Variants in ANO2 observed in about 807,000 individuals in gnomAD.
The protein encoded by ANO2 is anoctamin-2.
ANO2 carries 101 observed loss-of-function variants against 124.2 expected under a neutral mutation model. The ratio of observed to expected loss-of-function variants is 0.81; its 90% CI spans 0.69 to 0.96. ANO2 has a LOEUF of 0.96. ANO2 is among the 40% of genes least tolerant of loss of function. The pLI, the probability that ANO2 is intolerant of heterozygous loss-of-function variation, is 0.00. For missense variants in ANO2, 1,293 were observed against 1,274.5 expected, an observed-to-expected ratio of 1.01 and a Z score of -0.22; for synonymous variants, 486 against 482.5, an observed-to-expected ratio of 1.01 and a Z score of -0.09.
At chr12:5,884,930 T>C (rs1938780581) in intron 3 of ANO2, among the ~76,000 whole-genome samples, 1 of 152,128 alleles carries the variant, frequency 6.6e-6, no homozygotes, top group Non-Finnish European at 1.5e-5. Flanking sequence ...CAGAACCATG[T>C]ACAGAAATCT....
At chr12:5,833,416 C>T (rs754146589) in intron 4 of ANO2, among the ~76,000 whole-genome samples, 3 of 152,172 alleles carry the variant, frequency 2.0e-5, no homozygotes, top group Non-Finnish European at 4.4e-5. Context: ...AGATTTTTCA[C>T]ACATATTCTT....
At chr12:5,928,421 CCTTCCTCACTA>C (rs1246701047) in intron 1 of ANO2, among the ~76,000 whole-genome samples, 41 of 91,216 alleles carry the variant, frequency 4.5e-4, no homozygotes, top group Non-Finnish European at 8.9e-4. Context: ...AGTCTACTTT[CCTTCCTCACTA>C]GTCTACTTTC....
At chr12:5,670,455 G>C (rs1947941187) in intron 14 of ANO2, among the ~76,000 whole-genome samples, 1 of 152,070 alleles carries the variant, frequency 6.6e-6, no homozygotes. Flanking sequence ...TACTGAAGTT[G>C]GATGAAAGAA....
At chr12:5,652,209 T>A (rs1012473338) in intron 14 of ANO2, among the ~76,000 whole-genome samples, 29 of 152,206 alleles carry the variant, frequency 1.9e-4, no homozygotes, top group African/African-American at 7.0e-4. Flanking sequence ...CATTTTGAAT[T>A]TCCATTAATA....
intron 14 of ANO2, among the ~76,000 whole-genome samples, chr12:5,694,698 C>CAGTG (rs1156699065): frequency 6.6e-6 from 1 of 152,154 alleles, no homozygotes; most frequent in Non-Finnish European, 1.5e-5. Flanking sequence ...TGGAAGTTTG[C>CAGTG]AGTGGAGCAA....
intron 3 of ANO2, among the ~76,000 whole-genome samples, chr12:5,907,638 A>G (rs191087810): frequency 6.7e-6 from 1 of 149,068 alleles, no homozygotes; most frequent in East Asian, 1.9e-4. Context: ...AAGAGGGGGA[A>G]AAAAAAAGGA....
intron 1 of ANO2, among the ~76,000 whole-genome samples, chr12:5,932,625 C>G (rs1048328063): frequency 4.7e-4 from 68 of 145,198 alleles, no homozygotes; most frequent in Non-Finnish European, 5.9e-4. Flanking sequence ...AGAAGATAGA[C>G]TAGTAAGGAA....
At position 5,848,675 on chromosome 12, in the gene ANO2, C is replaced by T. The variant is rs576748831; in HGVS notation, c.633+5368G>A. Among the ~76,000 whole-genome samples the T allele has an allele frequency of 1.3e-4, 20 of 152,316 alleles. No homozygotes were observed. In the South Asian group the frequency reaches 3.9e-3, roughly 30 times the overall value. On this transcript the variant is annotated intron_variant, in intron 4 of 24. Coordinates refer to ENST00000682330, the MANE Select transcript of ANO2 (RefSeq NM_001364791.2). ...GTCGTGTTTACAGACGCCCCAAGGA[C>T]CCGCGCTCTAGGAAGTGGAAGTCCC... is the stretch of plus-strand genomic sequence containing the variant.
intron 11 of ANO2, among the ~76,000 whole-genome samples, chr12:5,749,033 T>C (rs1243966016): frequency 3.3e-5 from 5 of 152,206 alleles, no homozygotes; most frequent in African/African-American, 1.2e-4. Context: ...TTTGCATAGA[T>C]TGACATTGAT....
chr12:5,850,007 C>T (rs76983105), intron 4 of ANO2, among the ~76,000 whole-genome samples: 4,748 of 152,176 alleles, frequency 0.031, 138 homozygotes, highest in African/African-American at 0.076. Flanking sequence ...ATCAGAGCCT[C>T]AGATTAATTT....
chr12:5,902,921 G>A (rs1487667648), intron 3 of ANO2, among the ~76,000 whole-genome samples: 1 of 136,320 alleles, frequency 7.3e-6, no homozygotes, highest in Non-Finnish European at 1.6e-5. Flanking sequence ...GCTCAAACCA[G>A]GGCACAAAGG....
chr12:5,599,751 GTAGAGA>G, intron 19 of ANO2, 122 bp from the exon 20 acceptor site: 1 of 1,107,174 alleles, frequency 9.0e-7, no homozygotes, highest in Non-Finnish European at 1.3e-6. Flanking sequence ...CCAAAAACAA[GTAGAGA>G]TAGAGAGACA....
At chr12:5,799,158 A>C (rs1410529166) in intron 10 of ANO2, among the ~76,000 whole-genome samples, 2 of 152,268 alleles carry the variant, frequency 1.3e-5, no homozygotes, top group African/African-American at 4.8e-5. Flanking sequence ...ATAACCCAAC[A>C]ATCAGCTTCA....
At chr12:5,738,654 T>G (rs1224593580) in intron 13 of ANO2, among the ~76,000 whole-genome samples, 1 of 152,062 alleles carries the variant, frequency 6.6e-6, no homozygotes, top group Non-Finnish European at 1.5e-5. Context: ...ATGGTGGGAA[T>G]AGATCATGGG....
chr12:5,755,719 T>A (rs555689806), intron 10 of ANO2, among the ~76,000 whole-genome samples: 58 of 152,310 alleles, frequency 3.8e-4, no homozygotes. Flanking sequence ...TCCATGTCCC[T>A]ACAAAGGACA....
intron 11 of ANO2, among the ~76,000 whole-genome samples, chr12:5,747,059 C>T (rs1951286091): frequency 6.6e-6 from 1 of 152,170 alleles, no homozygotes; most frequent in Non-Finnish European, 1.5e-5. Context: ...TCCACCTCAT[C>T]AATGTCAGTT....
intron 9 of ANO2, 94 bp from the exon 10 acceptor site, chr12:5,799,665 A>C: frequency 8.8e-7 from 1 of 1,133,292 alleles, no homozygotes; most frequent in Non-Finnish European, 1.3e-6. Flanking sequence ...TTATCCCCAA[A>C]GTCCAGCTTC....
At chr12:5,774,849 T>C (rs1016075141) in intron 10 of ANO2, among the ~76,000 whole-genome samples, 1 of 152,210 alleles carries the variant, frequency 6.6e-6, no homozygotes, top group African/African-American at 2.4e-5. Context: ...TTTCTCACCT[T>C]AGAAATAACC....
At chr12:5,875,822 A>G (rs1411241434) in intron 3 of ANO2, among the ~76,000 whole-genome samples, 1 of 151,888 alleles carries the variant, frequency 6.6e-6, no homozygotes, top group Non-Finnish European at 1.5e-5. Context: ...GGCTACATCT[A>G]GAATGACGGA....
Sources: gnomAD v4.1 joint callset for allele counts (sites outside exome capture counted in the v4.1 genomes callset) on GRCh38, gnomAD v4.1.1 for gene constraint, MANE v1.5 for transcripts, NCBI Gene and HGNC (gene_info 2026-07-23, HGNC 2026-07-21) for gene names.